ABR: variants seen among roughly 807,000 people sequenced by gnomAD.
ABR encodes ABR activator of RhoGEF and GTPase, also known as active breakpoint cluster region-related protein.
A neutral mutation model predicts 107.2 loss-of-function variants in ABR; 35 were observed. The observed-to-expected ratio is 0.33, with a 90% CI of 0.25 to 0.43. The LOEUF is 0.43. Among genes scored for constraint, ABR ranks in the 20% least tolerant of loss-of-function variants. The pLI is 1.00. For missense variants in ABR, 815 were observed against 1,115.2 expected, an observed-to-expected ratio of 0.73 and a Z score of 3.83; for synonymous variants, 498 against 462.0, an observed-to-expected ratio of 1.08 and a Z score of -1.00.
intron 1 of ABR, among the ~76,000 whole-genome samples, chr17:1,145,026 TA>T (rs916542076): frequency 6.6e-6 from 1 of 151,408 alleles, no homozygotes; most frequent in African/African-American, 2.4e-5. Context: ...TCAAAAAAAA[TA>T]AATAAATAAA....
At chr17:1,195,091 A>C (rs62087724) in intron 1 of ABR, among the ~76,000 whole-genome samples, 39,851 of 138,994 alleles carry the variant, frequency 0.29, 6,058 homozygotes, top group East Asian at 0.58. Context: ...GCGGATCACG[A>C]GGTCAGGAGA....
chr17:1,101,983 TTGG>T, intron 2 of ABR, among the ~76,000 whole-genome samples: 1 of 152,116 alleles, frequency 6.6e-6, no homozygotes, highest in Non-Finnish European at 1.5e-5. Context: ...TCCGCCCGCC[TTGG>T]CCTCCCAAAG....
In ABR at chr17:1,157,479, GA is replaced by G. The variant is rs1454956972; in HGVS notation, c.61+22187del. Reference sequence around the variant, plus strand: ...TTGGCCAGGCTGGTCTCGAACTCCTGACCTCATGTGATCTGCCTGCCTCGGC... The same window carrying G: ...TTGGCCAGGCTGGTCTCGAACTCCTGCCTCATGTGATCTGCCTGCCTCGGC... On this transcript the variant is annotated intron_variant, in intron 1 of 22. Transcript: ENST00000302538. This position sits in a 1 kb window ranked among gnomAD's most constrained non-coding sequence, Gnocchi z 4.7. Among the ~76,000 whole-genome samples, 1 of 152,134 alleles carries G rather than the reference GA, an allele frequency of 6.6e-6. No individual in the cohort carries two copies. The highest frequency in any genetic ancestry group is 2.4e-5 in the African/African-American group (1 of 41,414).
intron 16 of ABR, among the ~76,000 whole-genome samples, chr17:1,035,337 C>A (rs1451433373): frequency 2.8e-5 from 4 of 145,292 alleles, no homozygotes; most frequent in Non-Finnish European, 4.5e-5. Context: ...TCCCCTAAAC[C>A]TGCTCCCCCC....
chr17:1,176,292 C>T (rs1227455909), intron 1 of ABR, among the ~76,000 whole-genome samples: 1 of 152,152 alleles, frequency 6.6e-6, no homozygotes, highest in African/African-American at 2.4e-5. Flanking sequence ...CCCTGCTGGA[C>T]CGTTTCAGGG....
rs117886610 is a variant in ABR at position 1,154,476 on chromosome 17, G to C, written c.61+25191C>G. On this transcript the variant is annotated intron_variant, in intron 1 of 22. Transcript: ENST00000302538. The surrounding 1 kb of genome is among the most constrained non-coding windows in gnomAD (Gnocchi z 4.0). The stretch of plus-strand genomic sequence containing the variant: ...CAAACCAAAATATCTCCATGGTGCC[G>C]GCCAGCCCCTTCCTCCCAGCTTTCC... The C allele has an allele frequency of 9.8e-5, 15 of 152,660 alleles. No homozygotes were observed. Among genetic ancestry groups the C allele is most frequent in the African/African-American group, 3.6e-4 (15 of 41,524 alleles). The allele number at this position is 152,660 out of a possible 1,614,324, so 9.5% of individuals were successfully genotyped here. A position where few individuals can be genotyped will look rare whatever the true frequency, so the allele number is the denominator to read the frequency against.
chr17:1,004,838 C>T lies in ABR; in HGVS notation c.*1242G>A. The T allele has an allele frequency of 2.5e-6, 1 of 393,260 alleles. No individual in the cohort carries two copies. Among genetic ancestry groups the T allele is most frequent in the Non-Finnish European group, 4.5e-6 (1 of 222,930 alleles). The allele number at this position is 393,260 out of a possible 1,614,324, so 24.4% of individuals were successfully genotyped here. On this transcript the variant is annotated 3_prime_UTR_variant, in exon 23 of 23. Transcript: ENST00000302538. ...GGGGCGGCACCACAATGGCTGGCCA[C>T]CGTGGGCCTGTGCCTTTGCTTCCCA... is the stretch of plus-strand genomic sequence containing the variant.
At chr17:1,163,440 G>A (rs111756912) in intron 1 of ABR, among the ~76,000 whole-genome samples, 1 of 152,174 alleles carries the variant, frequency 6.6e-6, no homozygotes, top group African/African-American at 2.4e-5. Flanking sequence ...GACGCATCCA[G>A]GTGGGACCCT....
chr17:1,056,134 G>T, intron 13 of ABR, 25 bp from the exon 14 acceptor site: 1 of 1,608,138 alleles, frequency 6.2e-7, no homozygotes, highest in Non-Finnish European at 8.5e-7. Context: ...AGCCCCCAGG[G>T]CAGAGGGTGG....
chr17:1,142,468 C>A (rs1222815283), intron 1 of ABR, among the ~76,000 whole-genome samples: 1 of 151,968 alleles, frequency 6.6e-6, no homozygotes, highest in African/African-American at 2.4e-5. Context: ...GTCTGTAATC[C>A]CAGCTACTCG....
At chr17:1,137,034 T>C (rs1407898300) in intron 1 of ABR, among the ~76,000 whole-genome samples, 2 of 147,218 alleles carry the variant, frequency 1.4e-5, no homozygotes, top group African/African-American at 5.1e-5. Flanking sequence ...TCTCTTTCTC[T>C]CTTCCTTCTC....
intron 10 of ABR, among the ~76,000 whole-genome samples, chr17:1,065,825 A>C (rs2034673966): frequency 6.8e-6 from 1 of 145,988 alleles, no homozygotes; most frequent in East Asian, 2.0e-4. Flanking sequence ...AGCTCAATGC[A>C]ACCTCTGCCT....
chr17:1,054,247 C>G (rs951242038), intron 14 of ABR, among the ~76,000 whole-genome samples: 2 of 152,250 alleles, frequency 1.3e-5, no homozygotes, highest in Non-Finnish European at 2.9e-5. Context: ...AGTACGTCCA[C>G]ACGCCAGCCA....
intron 1 of ABR, among the ~76,000 whole-genome samples, chr17:1,185,980 A>T (rs890248017): frequency 1.3e-5 from 2 of 151,944 alleles, no homozygotes; most frequent in South Asian, 2.1e-4. Context: ...GGATTACAGG[A>T]GCCCGCCACC....
At chr17:1,191,071 A>C (rs2042421222), upstream of ABR, among the ~76,000 whole-genome samples, 1 of 152,196 alleles carries the variant, frequency 6.6e-6, no homozygotes, top group Non-Finnish European at 1.5e-5. Flanking sequence ...GGCGCTATAC[A>C]GTGCGACACC....
intron 1 of ABR, among the ~76,000 whole-genome samples, chr17:1,168,001 A>T (rs1336802071): frequency 1.3e-5 from 2 of 152,040 alleles, no homozygotes; most frequent in East Asian, 3.9e-4. Context: ...AAAATACAAA[A>T]ATTAGCCGGG....
At chr17:1,189,154 G>A (rs562834110), upstream of ABR, among the ~76,000 whole-genome samples, 116 of 152,240 alleles carry the variant, frequency 7.6e-4, no homozygotes, top group African/African-American at 2.7e-3. Flanking sequence ...GTGAGACTCC[G>A]GCCACAGTGG....
chr17:1,161,455 G>C (rs185402129), intron 1 of ABR, among the ~76,000 whole-genome samples: 7 of 151,716 alleles, frequency 4.6e-5, no homozygotes, highest in African/African-American at 1.7e-4. Context: ...TATGTTGCCC[G>C]GACTGGTCTT....
chr17:1,067,328 T>C, intron 9 of ABR, 86 bp from the exon 10 acceptor site: 1 of 1,240,698 alleles, frequency 8.1e-7, no homozygotes, highest in Middle Eastern at 2.8e-4. Context: ...ACAGAACCAC[T>C]GACAGGGGTT....
Sources: gnomAD v4.1 joint callset for allele counts (sites outside exome capture counted in the v4.1 genomes callset) on GRCh38, gnomAD v4.1.1 for gene constraint, Gnocchi (gnomAD v3.1) non-coding constraint, MANE v1.5 for transcripts, NCBI Gene and HGNC (gene_info 2026-07-23, HGNC 2026-07-21) for gene names.